HELZ: variants seen among roughly 807,000 people sequenced by gnomAD.
HELZ encodes helicase with zinc finger.
A neutral mutation model predicts 218.2 loss-of-function variants in HELZ; 23 were observed. The ratio of observed to expected loss-of-function variants is 0.11; its 90% CI spans 0.08 to 0.15. The LOEUF is 0.15. Ranked by LOEUF, HELZ falls within the 10% of genes least tolerant of loss-of-function variation. HELZ has a pLI of 1.00. For missense variants in HELZ, 1,813 were observed against 2,353.7 expected, an observed-to-expected ratio of 0.77 and a Z score of 4.75; for synonymous variants, 814 against 829.4, an observed-to-expected ratio of 0.98 and a Z score of 0.32.
intron 4 of HELZ, among the ~76,000 whole-genome samples, chr17:67,217,497 T>TA (rs1035974149): frequency 3.9e-5 from 6 of 152,232 alleles, no homozygotes; most frequent in African/African-American, 1.4e-4. Context: ...CAATTTCTGT[T>TA]AAATTAGATC....
At chr17:67,088,274 G>C (rs2036453906) in intron 31 of HELZ, among the ~76,000 whole-genome samples, 1 of 152,028 alleles carries the variant, frequency 6.6e-6, no homozygotes, top group African/African-American at 2.4e-5. Flanking sequence ...CTGCTGTTCA[G>C]TCTGTGGTCA....
chr17:67,082,645 G>A (rs1038025364), intron 32 of HELZ, among the ~76,000 whole-genome samples: 36 of 152,022 alleles, frequency 2.4e-4, no homozygotes, highest in African/African-American at 8.2e-4. Flanking sequence ...CCCTTTAAAT[G>A]TCACTGATTT....
intron 31 of HELZ, among the ~76,000 whole-genome samples, chr17:67,103,352 A>G (rs148657187): frequency 1.9e-4 from 29 of 152,308 alleles, no homozygotes; most frequent in African/African-American, 6.3e-4. Context: ...TCTTCCATAT[A>G]AAAAAGCCTA....
chr17:67,100,715 A>C lies in HELZ; in HGVS notation c.5241+6454T>G, dbSNP rs75935502. On this transcript the variant is annotated intron_variant, in intron 31 of 32. Transcript: ENST00000358691. ...TAACAAAAACAAAACAAAACACATC[A>C]CTCTAAGAATATTGGAAATACTCAA... Among the ~76,000 whole-genome samples, 77 of 152,068 alleles carry C rather than the reference A, an allele frequency of 5.1e-4. 1 individual carries two copies. In the East Asian group the frequency reaches 0.013, roughly 26 times the overall value.
At chr17:67,091,615 T>A (rs1028702150) in intron 31 of HELZ, among the ~76,000 whole-genome samples, 2 of 152,138 alleles carry the variant, frequency 1.3e-5, no homozygotes, top group Non-Finnish European at 2.9e-5. Context: ...AACATACTGA[T>A]CAACTTAACA....
chr17:67,085,112 C>T (rs1412204307), intron 32 of HELZ, among the ~76,000 whole-genome samples: 1 of 151,878 alleles, frequency 6.6e-6, no homozygotes, highest in Non-Finnish European at 1.5e-5. Context: ...GTCTCAAAAA[C>T]AAACAAACAA....
chr17:67,143,242 A>G (rs931688966), intron 21 of HELZ, among the ~76,000 whole-genome samples: 1 of 152,054 alleles, frequency 6.6e-6, no homozygotes, highest in East Asian at 1.9e-4. Context: ...AACTCTGTCT[A>G]CCTCTCAGAT....
At chr17:67,105,453 G>A (rs2037071757) in intron 31 of HELZ, among the ~76,000 whole-genome samples, 1 of 152,194 alleles carries the variant, frequency 6.6e-6, no homozygotes, top group Non-Finnish European at 1.5e-5. Context: ...TAATCTGAGA[G>A]TGGGGAAATT....
intron 21 of HELZ, among the ~76,000 whole-genome samples, chr17:67,144,342 G>A (rs1471709646): frequency 6.6e-6 from 1 of 152,016 alleles, no homozygotes; most frequent in Non-Finnish European, 1.5e-5. Flanking sequence ...AACTTATGGG[G>A]CTGAAGACAC....
At chr17:67,209,202 A>G (rs1460005491) in intron 5 of HELZ, among the ~76,000 whole-genome samples, 1 of 151,280 alleles carries the variant, frequency 6.6e-6, no homozygotes, top group Non-Finnish European at 1.5e-5. Flanking sequence ...TAATTATTTT[A>G]GTGATCCTGA....
chr17:67,097,096 G>A (rs2036771334), intron 31 of HELZ, among the ~76,000 whole-genome samples: 1 of 152,196 alleles, frequency 6.6e-6, no homozygotes, highest in East Asian at 1.9e-4. Context: ...TCAGGGAATA[G>A]GGAGACCCAA....
intron 21 of HELZ, among the ~76,000 whole-genome samples, chr17:67,142,182 A>G (rs1342768742): frequency 1.3e-5 from 2 of 152,124 alleles, no homozygotes; most frequent in Non-Finnish European, 2.9e-5. Context: ...GCTGAGGTAA[A>G]TCCAACCATA....
Position 67,151,075 on chromosome 17 carries a change from T to C in HELZ, c.2327A>G (p.Gln776Arg), listed in dbSNP as rs1191862999. 3 of 1,613,948 alleles carry C rather than the reference T, an allele frequency of 1.9e-6. No homozygotes were observed. The highest frequency in any genetic ancestry group is 1.1e-5 in the South Asian group (1 of 91,068). Reference sequence around the variant, plus strand: ...TTCAAGGTCCAACTGACAGAGGTACTGGGAAGTATTCAAGGTAACAACCAC... The same window carrying C: ...TTCAAGGTCCAACTGACAGAGGTACCGGGAAGTATTCAAGGTAACAACCAC... ...RVVVVTLNTSQYLCQLDLEPG... is the reference protein window; with the variant it reads ...RVVVVTLNTSRYLCQLDLEPG... The change falls in exon 18 of 33, where the codon CAG (glutamine) becomes CGG (arginine). Residue 776 changes from glutamine to arginine, a missense_variant. Around this residue, in one of 4 missense-constraint regions of HELZ, gnomAD observed 714 missense variants for 1,029.2 expected, o/e 0.69. Coordinates refer to ENST00000358691, the MANE Select transcript of HELZ (RefSeq NM_014877.4).
chr17:67,187,737 T>C (rs1339735620), intron 12 of HELZ, among the ~76,000 whole-genome samples: 1 of 152,172 alleles, frequency 6.6e-6, no homozygotes, highest in African/African-American at 2.4e-5. Context: ...AAATTGACAA[T>C]GTACAAAGTA....
At position 67,189,459 on chromosome 17, in the gene HELZ, A is replaced by G. The variant is rs1035991838; in HGVS notation, c.864+130T>C. ...GTACAGAAATATACTTTAGTACAATATAGAACCTATATATAATGTACTTAG... is the reference window on the plus strand; with the variant it reads ...GTACAGAAATATACTTTAGTACAATGTAGAACCTATATATAATGTACTTAG... On this transcript the variant is annotated intron_variant, in intron 11 of 32. Transcript: ENST00000358691. 8.3e-6 allele frequency: 5 copies of G among 602,108 alleles called. No homozygotes were observed. In the Admixed American group the frequency reaches 1.2e-4, roughly 14 times the overall value. 37.3% of individuals were successfully genotyped at this position (602,108 alleles called of 1,614,324 possible).
intron 15 of HELZ, among the ~76,000 whole-genome samples, chr17:67,164,107 A>G (rs958198203): frequency 1.3e-5 from 2 of 152,244 alleles, no homozygotes; most frequent in Non-Finnish European, 2.9e-5. Context: ...TGTGCCGAAT[A>G]TGAATAATAT....
In HELZ at chr17:67,189,663, G is replaced by A; in HGVS notation, c.790C>T (p.His264Tyr). Reference sequence around the variant, plus strand: ...ACAGTAACTGACAGGTCAGGATTGTGCTCTACCTTTACTCCTTCTATACAT... The same window carrying A: ...ACAGTAACTGACAGGTCAGGATTGTACTCTACCTTTACTCCTTCTATACAT... ...SECIEGVKVE[H>Y]NPDLSVTVST... The change falls in exon 11 of 33, where the codon CAC becomes TAC. Residue 264 changes from histidine (H) to tyrosine (Y), a missense_variant. By Grantham distance (83) the His-to-Tyr change is moderately conservative. Transcript: ENST00000358691. 6.2e-7 allele frequency: 1 copy of A among 1,613,196 alleles called. No individual in the cohort carries two copies. The highest frequency in any genetic ancestry group is 8.5e-7 in the Non-Finnish European group (1 of 1,179,262).
intron 31 of HELZ, among the ~76,000 whole-genome samples, chr17:67,100,276 G>A (rs2036884241): frequency 1.3e-5 from 2 of 152,146 alleles, no homozygotes. Flanking sequence ...GGCTCAAAGT[G>A]TCTCTGTTGA....
rs542845529 is a variant in HELZ at position 67,123,520 on chromosome 17, C to T, written c.3440-360G>A. Among the ~76,000 whole-genome samples the T allele has an allele frequency of 2.0e-5, 3 of 152,196 alleles. No homozygotes were observed. In the South Asian group the frequency reaches 6.2e-4, roughly 32 times the overall value. ...TTCAGAATAAAGTTTTGACTTACAA[C>T]TGTAACAGAACCACATACAATATGA... On this transcript the variant is annotated intron_variant, in intron 25 of 32. Coordinates refer to ENST00000358691, the MANE Select transcript of HELZ (RefSeq NM_014877.4).
Sources: gnomAD v4.1 joint callset for allele counts (sites outside exome capture counted in the v4.1 genomes callset) on GRCh38, gnomAD v4.1.1 for gene constraint, gnomAD v4.1.1 regional missense constraint, MANE v1.5 for transcripts, NCBI Gene and HGNC (gene_info 2026-07-23, HGNC 2026-07-21) for gene names.